ISCA1: variants seen among roughly 807,000 people sequenced by gnomAD.
The protein encoded by ISCA1 is iron-sulfur cluster assembly 1 homolog, mitochondrial.
A neutral mutation model predicts 14.7 loss-of-function variants in ISCA1; 9 were observed. That is an observed-to-expected ratio of 0.61 (90% CI 0.37 to 1.07). ISCA1 has a LOEUF of 1.07. Among genes scored for constraint, ISCA1 ranks in the 50% least tolerant of loss-of-function variants. The pLI, the probability that ISCA1 is intolerant of heterozygous loss-of-function variation, is 0.01. For missense variants in ISCA1, 102 were observed against 150.1 expected, an observed-to-expected ratio of 0.68 and a Z score of 1.67; for synonymous variants, 38 against 54.3, an observed-to-expected ratio of 0.70 and a Z score of 1.32.
At chr9:86,276,299 C>G (rs1277060584) in intron 1 of ISCA1, among the ~76,000 whole-genome samples, 1 of 152,046 alleles carries the variant, frequency 6.6e-6, no homozygotes, top group Admixed American at 6.6e-5. Flanking sequence ...AGGTGGAGCT[C>G]GCTTAGGTGG....
At chr9:86,281,638 T>C (rs1247148248) in intron 1 of ISCA1, among the ~76,000 whole-genome samples, 1 of 152,214 alleles carries the variant, frequency 6.6e-6, no homozygotes, top group African/African-American at 2.4e-5. Context: ...AACTGAACGG[T>C]GCGGCCGGAA....
rs1228160011 is a variant in ISCA1, at chr9:86,282,486, C to G, written c.-28G>C. 6.5e-7 allele frequency: 1 copy of G among 1,550,240 alleles called. No individual in the cohort carries two copies. Among genetic ancestry groups the G allele is most frequent in the African/African-American group, 1.4e-5 (1 of 73,070 alleles). On this transcript the variant is annotated 5_prime_UTR_variant, in exon 1 of 4. Transcript: ENST00000375991. ...TCGCCGTCCCGGCGCCCCGGTGCCT[C>G]GGGCCGAAGGTCGGCCGCCTCAGCT... is the stretch of plus-strand genomic sequence containing the variant.
chr9:86,267,055 G>A (rs1004128053), intron 3 of ISCA1: 2 of 152,128 alleles, frequency 1.3e-5, no homozygotes, highest in African/African-American at 4.8e-5. Context: ...CAAAACCCTG[G>A]CTCCACTAAA....
intron 3 of ISCA1, among the ~76,000 whole-genome samples, chr9:86,270,535 C>A (rs889495057): frequency 6.6e-6 from 1 of 150,450 alleles, no homozygotes; most frequent in Non-Finnish European, 1.5e-5. Flanking sequence ...GTCAGTGTGG[C>A]GATTCCTCAG....
At chr9:86,268,765 A>G (rs1327447148) in intron 3 of ISCA1, among the ~76,000 whole-genome samples, 1 of 151,490 alleles carries the variant, frequency 6.6e-6, no homozygotes, top group East Asian at 1.9e-4. Flanking sequence ...GGCAGTGGCT[A>G]TTCACAGGTA....
chr9:86,279,893 G>A (rs1008159473), intron 1 of ISCA1, among the ~76,000 whole-genome samples: 5 of 152,180 alleles, frequency 3.3e-5, no homozygotes, highest in African/African-American at 9.6e-5. Flanking sequence ...ATGACTGCAA[G>A]CCCACCAACA....
intron 3 of ISCA1, among the ~76,000 whole-genome samples, chr9:86,271,438 T>C (rs550800297): frequency 1.3e-5 from 2 of 152,360 alleles, no homozygotes; most frequent in Admixed American, 1.3e-4. Flanking sequence ...TTATACTTAC[T>C]GCTTGAGCAT....
chr9:86,280,594 C>CAAAAAAA (rs59525482), intron 1 of ISCA1, among the ~76,000 whole-genome samples: 1 of 97,882 alleles, frequency 1.0e-5, no homozygotes, highest in Admixed American at 1.1e-4. Context: ...AACCCTGTCT[C>CAAAAAAA]AAAAAAAAAA....
intron 3 of ISCA1, chr9:86,267,596 TATA>T: frequency 1.2e-6 from 1 of 865,906 alleles, no homozygotes; most frequent in Non-Finnish European, 1.4e-6. Context: ...TAAATTAAAT[TATA>T]ATAAATAGCT....
chr9:86,275,403 T>C (rs1485229915), intron 1 of ISCA1, among the ~76,000 whole-genome samples: 2 of 152,106 alleles, frequency 1.3e-5, no homozygotes, highest in African/African-American at 2.4e-5. Context: ...GGTAGTAAAC[T>C]GAGGCCAGGA....
In ISCA1 at chr9:86,274,183, A is replaced by C; in HGVS notation, c.135+6T>G. The C allele has an allele frequency of 6.6e-7, 1 of 1,519,800 alleles. No individual in the cohort carries two copies. Among genetic ancestry groups the C allele is most frequent in the Non-Finnish European group, 9.1e-7 (1 of 1,095,642 alleles). 94.1% of individuals were successfully genotyped at this position (1,519,800 alleles called of 1,614,324 possible). On this transcript the variant is annotated splice_donor_region_variant and intron_variant, in intron 2 of 3. Coordinates refer to ENST00000375991, the MANE Select transcript of ISCA1 (RefSeq NM_030940.4). ...TTTTACTGAATAATTAACTGGTTTT[A>C]CTTACATGCTCAGGCTTATCTTTAA... is the stretch of plus-strand genomic sequence containing the variant.
intron 2 of ISCA1, among the ~76,000 whole-genome samples, 196 bp downstream of exon 2, chr9:86,273,993 G>A (rs376777895): frequency 1.3e-5 from 2 of 152,318 alleles, no homozygotes; most frequent in East Asian, 1.9e-4. Context: ...GAATGACGAC[G>A]AAGAGTCAGG....
At chr9:86,278,887 A>T (rs1023637091) in intron 1 of ISCA1, among the ~76,000 whole-genome samples, 1 of 152,202 alleles carries the variant, frequency 6.6e-6, no homozygotes, top group Non-Finnish European at 1.5e-5. Context: ...GCACAGCATA[A>T]GTCAAAGAAT....
At chr9:86,281,359 CT>C (rs1425641059) in intron 1 of ISCA1, among the ~76,000 whole-genome samples, 1 of 152,142 alleles carries the variant, frequency 6.6e-6, no homozygotes, top group Non-Finnish European at 1.5e-5. Flanking sequence ...GTAATAGGCC[CT>C]TTTGGCATTA....
chr9:86,281,470 T>C (rs1825516522), intron 1 of ISCA1, among the ~76,000 whole-genome samples: 2 of 152,200 alleles, frequency 1.3e-5, no homozygotes, highest in Non-Finnish European at 2.9e-5. Context: ...GGGGAGTGTA[T>C]GTAGGAACGT....
rs772618625 is a variant in ISCA1 at position 86,271,956 on chromosome 9, A to T, written c.241+51T>A. On this transcript the variant is annotated intron_variant, in intron 3 of 3. Transcript: ENST00000375991. ...TTTTTACTTTGTGCTGTGCAAGGCT[A>T]ATAATTTTAGGCAAAACAATGTGCC... 1.4e-5 allele frequency: 14 copies of T among 980,296 alleles called. No individual in the cohort carries two copies. The African/African-American group carries it at 1.9e-4, about 14-fold the overall frequency. The allele number at this position is 980,296 out of a possible 1,614,324, so 60.7% of individuals were successfully genotyped here. A position where few individuals can be genotyped will look rare whatever the true frequency, so the allele number is the denominator to read the frequency against.
chr9:86,280,888 A>G (rs1825504361), intron 1 of ISCA1, among the ~76,000 whole-genome samples: 2 of 152,072 alleles, frequency 1.3e-5, no homozygotes, highest in Non-Finnish European at 2.9e-5. Context: ...TGATTGCACC[A>G]CTGAACTACA....
intron 1 of ISCA1, among the ~76,000 whole-genome samples, chr9:86,278,568 G>A (rs1825469989): frequency 6.6e-6 from 1 of 152,086 alleles, no homozygotes; most frequent in South Asian, 2.1e-4. Flanking sequence ...TACTTGGGAG[G>A]CTGAGGTGAA....
chr9:86,275,203 C>G (rs1332977333), intron 1 of ISCA1, among the ~76,000 whole-genome samples: 1 of 152,156 alleles, frequency 6.6e-6, no homozygotes, highest in East Asian at 1.9e-4. Flanking sequence ...ACAAAAATAC[C>G]AAGTATTATT....
Sources: allele counts gnomAD v4.1 joint callset (sites outside exome capture counted in the v4.1 genomes callset), GRCh38; gene constraint gnomAD v4.1.1; transcripts MANE v1.5; gene names NCBI Gene and HGNC (gene_info 2026-07-23, HGNC 2026-07-21).